Variants in CPEB1 observed in about 807,000 individuals in gnomAD.
CPEB1 encodes the protein cytoplasmic polyadenylation element-binding protein 1.
A neutral mutation model predicts 65.8 loss-of-function variants in CPEB1; 7 were observed. The observed-to-expected ratio is 0.11, with a 90% CI of 0.06 to 0.20. The LOEUF is 0.20. Among genes scored for constraint, CPEB1 ranks in the 10% least tolerant of loss-of-function variants. The pLI is 1.00. For synonymous variants in CPEB1, 262 were observed against 260.0 expected, an observed-to-expected ratio of 1.01 and a Z score of -0.08; for missense variants, 551 against 712.2, an observed-to-expected ratio of 0.77 and a Z score of 2.58.
chr15:82,627,184 C>G lies in CPEB1; in HGVS notation c.271+9G>C. On this transcript the variant is annotated intron_variant, in intron 3 of 12. Coordinates refer to ENST00000684509, the MANE Select transcript of CPEB1 (RefSeq NM_001365242.1). ...GCCTACCACGTTCAAGTTTTCAAAC[C>G]TAAATCACCTGGCAAATGATCATGA... The G allele has an allele frequency of 6.2e-7, 1 of 1,607,788 alleles. No individual in the cohort carries two copies. The highest frequency in any genetic ancestry group is 8.5e-7 in the Non-Finnish European group (1 of 1,176,872).
intron 1 of CPEB1, among the ~76,000 whole-genome samples, chr15:82,631,945 G>A (rs1403831438): frequency 6.6e-6 from 1 of 150,982 alleles, no homozygotes; most frequent in Non-Finnish European, 1.5e-5. Flanking sequence ...TAGGGATAGG[G>A]CCCAAGTCTA....
intron 8 of CPEB1, 35 bp from the exon 9 acceptor site, chr15:82,552,651 C>T (rs2036468505): frequency 6.2e-7 from 1 of 1,611,602 alleles, no homozygotes; most frequent in Non-Finnish European, 8.5e-7. Context: ...GCATTAATAT[C>T]CCTTAGGTGG....
At chr15:82,638,431 G>A (rs2046839282) in intron 1 of CPEB1, 1 of 152,456 alleles carries the variant, frequency 6.6e-6, no homozygotes, top group South Asian at 2.1e-4. Context: ...GGGACTTCAA[G>A]TATTGGGGCA....
chr15:82,630,487 T>C (rs907959172), intron 1 of CPEB1, among the ~76,000 whole-genome samples: 3 of 152,002 alleles, frequency 2.0e-5, no homozygotes, highest in Admixed American at 6.6e-5. Flanking sequence ...ATGCCTGTAG[T>C]CCCAGCTACT....
intron 3 of CPEB1, among the ~76,000 whole-genome samples, chr15:82,614,122 G>A (rs1311160684): frequency 6.6e-6 from 1 of 152,014 alleles, no homozygotes; most frequent in Non-Finnish European, 1.5e-5. Flanking sequence ...TGGCCTCCTC[G>A]GGAGGCTCCC....
intron 1 of CPEB1, chr15:82,641,779 G>A (rs1251297006): frequency 1.3e-5 from 2 of 151,632 alleles, no homozygotes; most frequent in Non-Finnish European, 2.9e-5. Context: ...GAATTCAAAG[G>A]TTATCCATGC....
chr15:82,550,623 A>G lies in CPEB1; in HGVS notation c.1282-965T>C, dbSNP rs111897625. On this transcript the variant is annotated intron_variant, in intron 9 of 12. Transcript: ENST00000684509. ...ATTTCACTGGAAGATGAAAAAGCCA[A>G]TTTTGCCCACAAAAGAGTTTGGGAT... is the stretch of plus-strand genomic sequence containing the variant. Among the ~76,000 whole-genome samples the G allele has an allele frequency of 1.0e-2, 1,522 of 152,306 alleles. 14 individuals are homozygous for G. Among genetic ancestry groups the G allele is most frequent in the Non-Finnish European group, 0.016 (1,120 of 68,024 alleles).
At chr15:82,546,373 G>A in intron 12 of CPEB1, 68 bp downstream of exon 12, 1 of 1,287,422 alleles carries the variant, frequency 7.8e-7, no homozygotes, top group Non-Finnish European at 1.1e-6. Context: ...GGGATTACAG[G>A]TGTGAACCAC....
chr15:82,634,687 C>T (rs1018644580), intron 1 of CPEB1, among the ~76,000 whole-genome samples: 1 of 152,166 alleles, frequency 6.6e-6, no homozygotes, highest in Non-Finnish European at 1.5e-5. Context: ...AATGTGTTCA[C>T]ACTAAAAATT....
chr15:82,548,462 T>C (rs1214855097), intron 10 of CPEB1, among the ~76,000 whole-genome samples: 1 of 152,146 alleles, frequency 6.6e-6, no homozygotes. Context: ...TATTTGACAG[T>C]GGAGATCATG....
chr15:82,618,160 C>T (rs1250442116), intron 3 of CPEB1, among the ~76,000 whole-genome samples: 1 of 151,928 alleles, frequency 6.6e-6, no homozygotes, highest in Non-Finnish European at 1.5e-5. Flanking sequence ...TAGGAACCTG[C>T]CAAACTGTTT....
intron 4 of CPEB1, among the ~76,000 whole-genome samples, chr15:82,566,032 T>C (rs2039064897): frequency 6.6e-6 from 1 of 152,202 alleles, no homozygotes; most frequent in South Asian, 2.1e-4. Context: ...ATTTTTAGAC[T>C]GATTGTTAAT....
At chr15:82,634,763 A>AGTTT (rs148565849) in intron 1 of CPEB1, among the ~76,000 whole-genome samples, 20,032 of 130,500 alleles carry the variant, frequency 0.15, 1,956 homozygotes, top group African/African-American at 0.29. Flanking sequence ...GAACATTTAG[A>AGTTT]CTTTTTTAAT....
At chr15:82,619,695 A>G (rs765036580) in intron 3 of CPEB1, among the ~76,000 whole-genome samples, 7 of 152,220 alleles carry the variant, frequency 4.6e-5, no homozygotes, top group Non-Finnish European at 1.0e-4. Context: ...GCTCAACTTC[A>G]TCAGTCACTA....
At chr15:82,548,664 C>T in intron 10 of CPEB1, 1 of 454,520 alleles carries the variant, frequency 2.2e-6, no homozygotes, top group Middle Eastern at 3.3e-4. Context: ...AGCCCTTAGG[C>T]ACTCTGGAGA....
intron 3 of CPEB1, among the ~76,000 whole-genome samples, chr15:82,597,694 T>C (rs758899498): frequency 6.6e-6 from 1 of 152,190 alleles, no homozygotes; most frequent in African/African-American, 2.4e-5. Flanking sequence ...GCTCTTTCTC[T>C]TTTTCAGGGG....
chr15:82,606,349 G>C (rs546338556), intron 3 of CPEB1, among the ~76,000 whole-genome samples: 2 of 151,640 alleles, frequency 1.3e-5, no homozygotes, highest in African/African-American at 4.8e-5. Flanking sequence ...ATGGGTACCT[G>C]GTATCCCAGC....
At chr15:82,597,409 AC>A (rs1252334513) in intron 3 of CPEB1, among the ~76,000 whole-genome samples, 4 of 152,222 alleles carry the variant, frequency 2.6e-5, no homozygotes, top group Non-Finnish European at 4.4e-5. Flanking sequence ...GAGTTAAGTT[AC>A]CTTTTAAGCA....
At chr15:82,587,177 C>G (rs1344824385) in intron 3 of CPEB1, among the ~76,000 whole-genome samples, 1 of 152,050 alleles carries the variant, frequency 6.6e-6, no homozygotes, top group Non-Finnish European at 1.5e-5. Context: ...TGGTGATGAG[C>G]CATTTAGGTA....
Sources: gnomAD v4.1 joint callset for allele counts (sites outside exome capture counted in the v4.1 genomes callset) on GRCh38, gnomAD v4.1.1 for gene constraint, MANE v1.5 for transcripts, NCBI Gene and HGNC (gene_info 2026-07-23, HGNC 2026-07-21) for gene names.